RNF149: variants seen among roughly 807,000 people sequenced by gnomAD.
The protein encoded by RNF149 is E3 ubiquitin-protein ligase RNF149.
A neutral mutation model predicts 39.0 loss-of-function variants in RNF149; 21 were observed. The observed-to-expected ratio is 0.54, with a 90% CI of 0.38 to 0.77. RNF149 has a LOEUF of 0.77. Among genes scored for constraint, RNF149 ranks in the 30% least tolerant of loss-of-function variants. RNF149 has a pLI of 0.00. For missense variants in RNF149, 493 were observed against 534.9 expected (o/e 0.92, Z 0.77); for synonymous variants, 209 against 213.6 (o/e 0.98, Z 0.19).
intron 4 of RNF149, among the ~76,000 whole-genome samples, chr2:101,287,068 T>C (rs958139551): frequency 6.6e-6 from 1 of 152,204 alleles, no homozygotes; most frequent in African/African-American, 2.4e-5. Context: ...ACGCCTGTAA[T>C]CCCAACATTT....
intron 4 of RNF149, among the ~76,000 whole-genome samples, chr2:101,288,383 G>A (rs1682877189): frequency 1.3e-5 from 2 of 151,988 alleles, no homozygotes; most frequent in South Asian, 4.2e-4. Flanking sequence ...GATTACAGGT[G>A]TACGCTACCA....
chr2:101,298,620 T>C (rs1683331306), intron 1 of RNF149, among the ~76,000 whole-genome samples: 1 of 151,998 alleles, frequency 6.6e-6, no homozygotes, highest in Non-Finnish European at 1.5e-5. Context: ...ACATGTAAAC[T>C]GTGTGGACAG....
intron 1 of RNF149, among the ~76,000 whole-genome samples, chr2:101,306,966 A>C (rs149226320): frequency 5.9e-5 from 9 of 152,344 alleles, no homozygotes; most frequent in African/African-American, 2.2e-4. Flanking sequence ...AACCACATTA[A>C]GCTGAGAATG....
chr2:101,277,389 G>GA (rs1195490303), intron 6 of RNF149, 108 bp from the exon 7 acceptor site: 297 of 1,411,734 alleles, frequency 2.1e-4, no homozygotes, highest in East Asian at 6.6e-4. Context: ...ATGGTAAACA[G>GA]AAAAAAAAAT....
chr2:101,307,976 G>A, intron 1 of RNF149, 153 bp downstream of exon 1: 1 of 985,474 alleles, frequency 1.0e-6, no homozygotes, highest in South Asian at 4.7e-5. Context: ...GCCGCACCGA[G>A]CAAACGAGGG....
At chr2:101,281,058 AC>A (rs1428713956) in intron 6 of RNF149, among the ~76,000 whole-genome samples, 2 of 152,222 alleles carry the variant, frequency 1.3e-5, no homozygotes, top group East Asian at 3.9e-4. Flanking sequence ...AACACAAAAA[AC>A]AAAACAAAAC....
Position 101,284,800 on chromosome 2 carries a change from T to C in RNF149, c.960+1281A>G, listed in dbSNP as rs376692247. ...TCATCATTTAAAAAACCCCAAATTG[T>C]AGTTTCTAATTCTACAATAAACTCT... On this transcript the variant is annotated intron_variant, in intron 5 of 6. Coordinates refer to ENST00000295317, the MANE Select transcript of RNF149 (RefSeq NM_173647.4). Among the ~76,000 whole-genome samples, 119 of 152,318 alleles carry C rather than the reference T, an allele frequency of 7.8e-4. 1 individual carries two copies. In the South Asian group the frequency reaches 0.014, roughly 18 times the overall value.
intron 5 of RNF149, among the ~76,000 whole-genome samples, chr2:101,284,870 T>C (rs969119680): frequency 2.0e-5 from 3 of 152,218 alleles, no homozygotes; most frequent in Non-Finnish European, 2.9e-5. Flanking sequence ...CTATATTTGA[T>C]AAATTATTTT....
intron 6 of RNF149, among the ~76,000 whole-genome samples, chr2:101,278,242 C>T (rs892322271): frequency 2.0e-5 from 3 of 152,078 alleles, no homozygotes; most frequent in Non-Finnish European, 4.4e-5. Flanking sequence ...TCCTCGACTT[C>T]CTGGGTTCAA....
intron 2 of RNF149, 62 bp downstream of exon 2, chr2:101,294,869 T>C (rs1442909796): frequency 7.8e-7 from 1 of 1,278,270 alleles, no homozygotes; most frequent in Non-Finnish European, 1.1e-6. Flanking sequence ...TCTAGGAATA[T>C]ATATGCGGCA....
At chr2:101,288,455 C>T (rs1682879498) in intron 4 of RNF149, among the ~76,000 whole-genome samples, 1 of 151,918 alleles carries the variant, frequency 6.6e-6, no homozygotes, top group African/African-American at 2.4e-5. Context: ...CCAGGCTAGT[C>T]TTGAACACCT....
rs191157369 is a variant in RNF149, at chr2:101,277,229, G to A, written c.*9C>T. ...ACTTCTGTTGGTGCCACTTCAGTGG[G>A]CACGTGTGCTAGGAGATGGGTCCTC... On this transcript the variant is annotated 3_prime_UTR_variant, in exon 7 of 7. Transcript: ENST00000295317. The A allele has an allele frequency of 9.9e-6, 16 of 1,613,294 alleles. No individual in the cohort carries two copies. The African/African-American group carries it at 1.7e-4, about 17-fold the overall frequency.
chr2:101,295,003 AATC>A lies in RNF149; in HGVS notation c.636_638del (p.Met212del), dbSNP rs1434164128. Reference sequence around the variant, plus strand: ...AAAATATTAGCCAGGCTAACGAGATAATCATCATGGTGATGAAGGCAATGGCCA... The same window carrying A: ...AAAATATTAGCCAGGCTAACGAGATAATCATGGTGATGAAGGCAATGGCCA... On this transcript the variant is annotated inframe_deletion, in exon 2 of 7. Coordinates refer to ENST00000295317, the MANE Select transcript of RNF149 (RefSeq NM_173647.4). The A allele has an allele frequency of 6.2e-7, 1 of 1,613,672 alleles. No individual in the cohort carries two copies. Among genetic ancestry groups the A allele is most frequent in the Non-Finnish European group, 8.5e-7 (1 of 1,179,680 alleles).
At chr2:101,292,753 G>T (rs1196440828) in intron 3 of RNF149, among the ~76,000 whole-genome samples, 5 of 151,990 alleles carry the variant, frequency 3.3e-5, no homozygotes, top group Non-Finnish European at 7.4e-5. Context: ...GTGACAGAGC[G>T]AGACTCCATC....
chr2:101,279,606 CT>C (rs1442827186), intron 6 of RNF149, among the ~76,000 whole-genome samples: 2 of 152,306 alleles, frequency 1.3e-5, no homozygotes, highest in Non-Finnish European at 2.9e-5. Flanking sequence ...AGGGAACATG[CT>C]GCTTTGCAAG....
rs1573215833 is a variant in RNF149, at chr2:101,276,898, T to C, written c.*340A>G. ...GTGCTTTGCCAAAAACCTTGAAAAA[T>C]AGAATTAACTGGTTTTTACAGAACC... On this transcript the variant is annotated 3_prime_UTR_variant, in exon 7 of 7. Transcript: ENST00000295317. 3 of 1,026,798 alleles carry C rather than the reference T, an allele frequency of 2.9e-6. No homozygotes were observed. The highest frequency in any genetic ancestry group is 1.7e-5 in the African/African-American group (1 of 58,048). 63.6% of individuals were successfully genotyped at this position (1,026,798 alleles called of 1,614,324 possible). A position where few individuals can be genotyped will look rare whatever the true frequency, so the allele number is the denominator to read the frequency against.
intron 6 of RNF149, 51 bp downstream of exon 6, chr2:101,281,808 G>C: frequency 6.2e-7 from 1 of 1,602,106 alleles, no homozygotes; most frequent in Non-Finnish European, 8.5e-7. Flanking sequence ...ACAGGTGTGA[G>C]CCACCACTCC....
At chr2:101,273,031 C>G, downstream of RNF149, 1 of 1,353,608 alleles carries the variant, frequency 7.4e-7, no homozygotes, top group Non-Finnish European at 9.8e-7. Flanking sequence ...TCGGCCTTTT[C>G]TTGTCATCAT....
intron 6 of RNF149, among the ~76,000 whole-genome samples, chr2:101,280,878 TAA>T (rs953458547): frequency 5.9e-5 from 9 of 152,086 alleles, no homozygotes; most frequent in African/African-American, 2.2e-4. Context: ...CAAAAAAATT[TAA>T]AAAGTTAGCT....
Sources: gnomAD v4.1 joint callset for allele counts (sites outside exome capture counted in the v4.1 genomes callset) on GRCh38, gnomAD v4.1.1 for gene constraint, MANE v1.5 for transcripts, NCBI Gene and HGNC (gene_info 2026-07-23, HGNC 2026-07-21) for gene names.